FGF1: variants seen among roughly 807,000 people sequenced by gnomAD.
FGF1 encodes the protein fibroblast growth factor 1.
FGF1 carries 9 observed loss-of-function variants against 13.4 expected under a neutral mutation model. The observed-to-expected ratio is 0.67, with a 90% confidence interval of 0.40 to 1.17. FGF1 has a LOEUF of 1.17. FGF1 is among the 50% of genes most tolerant of loss of function. The probability of loss-of-function intolerance (pLI) is 0.01; values close to 1 mark genes in which losing one functional copy is unlikely to be tolerated. For missense variants in FGF1, 156 were observed against 192.7 expected (o/e 0.81, Z 1.13); for synonymous variants, 93 against 79.0 (o/e 1.18, Z -0.94).
chr5:142,606,218 C>G (rs10071797), intron 2 of FGF1, among the ~76,000 whole-genome samples: 21,659 of 143,076 alleles, frequency 0.15, 2,548 homozygotes, highest in African/African-American at 0.32. Flanking sequence ...CTTTCTCTCT[C>G]TGTGTGTGTG....
At chr5:142,677,339 C>T (rs1405936069) in intron 1 of FGF1, among the ~76,000 whole-genome samples, 2 of 152,172 alleles carry the variant, frequency 1.3e-5, no homozygotes, top group East Asian at 3.8e-4. Context: ...AGGGCTGGAA[C>T]ATGCTGGATC....
chr5:142,628,682 C>T (rs909503328), intron 1 of FGF1, among the ~76,000 whole-genome samples: 1 of 152,188 alleles, frequency 6.6e-6, no homozygotes, highest in Admixed American at 6.5e-5. Context: ...TCTAACTGAC[C>T]TTTCAAAGCC....
At chr5:142,652,352 G>A (rs558476988) in intron 1 of FGF1, among the ~76,000 whole-genome samples, 4 of 152,282 alleles carry the variant, frequency 2.6e-5, no homozygotes, top group African/African-American at 4.8e-5. Context: ...CACAAGAGGC[G>A]CTGGGACATT....
intron 1 of FGF1, among the ~76,000 whole-genome samples, chr5:142,633,632 C>G (rs370228555): frequency 1.3e-5 from 2 of 152,352 alleles, no homozygotes. Context: ...GTGACTCTTG[C>G]CGGAGTCCAG....
intron 1 of FGF1, among the ~76,000 whole-genome samples, chr5:142,648,689 C>CAAAAAAAAAAAAAAA: frequency 1.5e-5 from 1 of 66,212 alleles, no homozygotes. Context: ...CCCCACCAAC[C>CAAAAAAAAAAAAAAA]AAAAAAAAAA....
In FGF1 at chr5:142,650,610, A is replaced by ACCC. The variant is rs564451781; in HGVS notation, c.-35+35346_-35+35347insGGG. On this transcript the variant is annotated intron_variant, in intron 1 of 3. Coordinates refer to ENST00000337706, the MANE Select transcript of FGF1 (RefSeq NM_000800.5). The stretch of plus-strand genomic sequence containing the variant: ...GATGGCAGGGAGAATGATGCTCATG[A>ACCC]CTGTTATTGTTTGACCCCTTTATAA... 3.7e-4 allele frequency among the ~76,000 whole-genome samples: 56 copies of ACCC among 152,092 alleles called. No individual in the cohort carries two copies. In the East Asian group the frequency reaches 0.011, roughly 29 times the overall value.
At chr5:142,687,283 C>G (rs1461179094), upstream of FGF1, among the ~76,000 whole-genome samples, 1 of 152,138 alleles carries the variant, frequency 6.6e-6, no homozygotes, top group Non-Finnish European at 1.5e-5. Flanking sequence ...GATGGAGTTG[C>G]AGTTTGTTCC....
At chr5:142,635,344 A>C (rs1432543205) in intron 1 of FGF1, among the ~76,000 whole-genome samples, 2 of 152,192 alleles carry the variant, frequency 1.3e-5, no homozygotes, top group Non-Finnish European at 2.9e-5. Flanking sequence ...CGTCATCTTC[A>C]TCTTGCTCAA....
chr5:142,671,160 T>G (rs1247862914), intron 1 of FGF1, among the ~76,000 whole-genome samples: 2 of 152,238 alleles, frequency 1.3e-5, no homozygotes, highest in African/African-American at 2.4e-5. Flanking sequence ...AACATACTGT[T>G]TTATTCCTCA....
intron 1 of FGF1, among the ~76,000 whole-genome samples, chr5:142,648,686 A>T (rs1259795606): frequency 7.6e-6 from 1 of 131,424 alleles, no homozygotes; most frequent in East Asian, 2.2e-4. Context: ...GTCCCCCACC[A>T]ACCAAAAAAA....
intron 2 of FGF1, among the ~76,000 whole-genome samples, chr5:142,692,148 T>A (rs1352660626): frequency 6.6e-6 from 1 of 152,034 alleles, no homozygotes; most frequent in East Asian, 1.9e-4. Flanking sequence ...CTGGGCAACA[T>A]GATGAAACCC....
intron 1 of FGF1, among the ~76,000 whole-genome samples, chr5:142,639,120 A>C (rs1401448538): frequency 6.6e-6 from 1 of 152,040 alleles, no homozygotes; most frequent in Admixed American, 6.5e-5. Flanking sequence ...GAGGTTCCTC[A>C]AAAAAATAAA....
intron 1 of FGF1, among the ~76,000 whole-genome samples, chr5:142,665,494 G>A (rs1770128238): frequency 6.6e-6 from 1 of 151,948 alleles, no homozygotes; most frequent in African/African-American, 2.4e-5. Flanking sequence ...AATGACCCAG[G>A]ACCTCCCCCC....
At chr5:142,620,476 G>A (rs1761346636) in intron 1 of FGF1, among the ~76,000 whole-genome samples, 2 of 152,000 alleles carry the variant, frequency 1.3e-5, no homozygotes, top group African/African-American at 4.8e-5. Context: ...TAGGTCTAAG[G>A]CAAAAAGAAT....
chr5:142,644,563 G>T (rs1765708745), intron 1 of FGF1, among the ~76,000 whole-genome samples: 1 of 152,086 alleles, frequency 6.6e-6, no homozygotes, highest in Admixed American at 6.6e-5. Context: ...AGTCAATTTT[G>T]GTTGCTTACA....
chr5:142,614,344 C>T (rs1561556181), intron 1 of FGF1, among the ~76,000 whole-genome samples, 183 bp from the exon 2 acceptor site: 1 of 152,184 alleles, frequency 6.6e-6, no homozygotes. Flanking sequence ...AGGATGGTCC[C>T]AGGCCTGGGA....
At chr5:142,680,272 C>T (rs893548934) in intron 1 of FGF1, among the ~76,000 whole-genome samples, 1 of 152,190 alleles carries the variant, frequency 6.6e-6, no homozygotes, top group Non-Finnish European at 1.5e-5. Flanking sequence ...CCACAACTGT[C>T]TTCGACTCAT....
At position 142,649,204 on chromosome 5, in the gene FGF1, A is replaced by G. The variant is rs367667792; in HGVS notation, c.-34-35043T>C. Among the ~76,000 whole-genome samples, 23 of 152,292 alleles carry G rather than the reference A, an allele frequency of 1.5e-4. 1 individual carries two copies. The East Asian group carries it at 4.1e-3, about 27-fold the overall frequency. On this transcript the variant is annotated intron_variant, in intron 1 of 3. Transcript: ENST00000337706. Reference sequence around the variant, plus strand: ...ATTTCTATCCCCCTTCCTTGAGGCAACTGCTCTGATGAATTGTGTGTGTGT... The same window carrying G: ...ATTTCTATCCCCCTTCCTTGAGGCAGCTGCTCTGATGAATTGTGTGTGTGT...
At chr5:142,677,857 A>T (rs961554257) in intron 1 of FGF1, among the ~76,000 whole-genome samples, 1 of 152,202 alleles carries the variant, frequency 6.6e-6, no homozygotes, top group Non-Finnish European at 1.5e-5. Flanking sequence ...TGGGTAATAG[A>T]AAGTTTTTTT....
Sources: gnomAD v4.1 joint callset for allele counts (sites outside exome capture counted in the v4.1 genomes callset) on GRCh38, gnomAD v4.1.1 for gene constraint, MANE v1.5 for transcripts, NCBI Gene and HGNC (gene_info 2026-07-23, HGNC 2026-07-21) for gene names.